The following TENM3 variants were observed in gnomAD, a reference collection of about 807,000 sequenced individuals.
TENM3 encodes the protein teneurin-3.
Under a neutral mutation model 255.1 loss-of-function variants are expected in TENM3, and 63 were observed. That is an observed-to-expected ratio of 0.25 (90% CI 0.20 to 0.30). The LOEUF (loss-of-function observed/expected upper bound fraction) is 0.30. Ranked by LOEUF, TENM3 falls within the 10% of genes least tolerant of loss-of-function variation. The pLI, the probability that TENM3 is intolerant of heterozygous loss-of-function variation, is 1.00. For missense variants in TENM3, 2,929 were observed against 3,461.1 expected (o/e 0.85, Z 3.86); for synonymous variants, 1,306 against 1,322.3 (o/e 0.99, Z 0.27).
rs867557443 is a variant in TENM3, at chr4:182,621,639, A to C, written c.750-7012A>C. 6.0e-3 allele frequency among the ~76,000 whole-genome samples: 435 copies of C among 72,426 alleles called. 15 individuals are homozygous for C. Among genetic ancestry groups the C allele is most frequent in the African/African-American group, 0.021 (418 of 19,918 alleles). The allele number at this position is 72,426 out of a possible 152,430, so 47.5% of individuals were successfully genotyped here. On this transcript the variant is annotated intron_variant, in intron 4 of 27. Transcript: ENST00000511685. ...AATATATATATAAAATATATAATAT[A>C]TAATACATATTATAATATATAATAT...
intron 3 of TENM3, among the ~76,000 whole-genome samples, chr4:182,567,431 T>G (rs980329839): frequency 6.6e-6 from 1 of 152,184 alleles, no homozygotes; most frequent in Non-Finnish European, 1.5e-5. Context: ...AGTGTGTCAC[T>G]GGGTCCTCAG....
chr4:181,598,838 A>G, the TENM3 span, among the ~76,000 whole-genome samples: 5 of 152,222 alleles, frequency 3.3e-5, no homozygotes, highest in African/African-American at 2.4e-5. Context: ...TTCAAGTATT[A>G]TGAAAATAAG....
chr4:182,338,159 T>A (rs1580208524), intron 2 of TENM3, among the ~76,000 whole-genome samples: 1 of 152,194 alleles, frequency 6.6e-6, no homozygotes, highest in Admixed American at 6.5e-5. Flanking sequence ...ACAACTGTAG[T>A]TGAACATGGA....
intron 3 of TENM3, among the ~76,000 whole-genome samples, chr4:182,354,882 A>G (rs549845239): frequency 5.3e-5 from 8 of 152,358 alleles, no homozygotes; most frequent in African/African-American, 1.9e-4. Flanking sequence ...CTTATTGAAT[A>G]GATTTCTTAT....
At chr4:181,484,796 G>A in the TENM3 span, among the ~76,000 whole-genome samples, 1 of 152,124 alleles carries the variant, frequency 6.6e-6, no homozygotes, top group Admixed American at 6.6e-5. Flanking sequence ...ATAAGGGAAA[G>A]AGGCGGTAAT....
At chr4:181,988,137 CTA>C in the TENM3 span, among the ~76,000 whole-genome samples, 7 of 152,022 alleles carry the variant, frequency 4.6e-5, no homozygotes, top group Admixed American at 2.0e-4. Context: ...TGCAGCCTTC[CTA>C]TCTTATTTCA....
At chr4:181,808,782 G>A in the TENM3 span, among the ~76,000 whole-genome samples, 12 of 152,216 alleles carry the variant, frequency 7.9e-5, 1 homozygote, top group African/African-American at 2.4e-4. Flanking sequence ...ACCACAAAAT[G>A]GAATTCTATT....
the TENM3 span, among the ~76,000 whole-genome samples, chr4:181,718,937 C>T: frequency 0.4 from 61,089 of 151,574 alleles, 12,557 homozygotes; most frequent in African/African-American, 0.51. Context: ...CCGGGCGCGG[C>T]GGCTCACGCC....
the TENM3 span, among the ~76,000 whole-genome samples, chr4:181,612,397 A>G: frequency 6.6e-6 from 1 of 152,160 alleles, no homozygotes; most frequent in Non-Finnish European, 1.5e-5. Flanking sequence ...GGGAAATCAA[A>G]TGAGGTACAG....
the TENM3 span, among the ~76,000 whole-genome samples, chr4:182,009,941 G>GA: frequency 6.6e-6 from 1 of 151,970 alleles, no homozygotes; most frequent in South Asian, 2.1e-4. Flanking sequence ...TTGGCTGGGG[G>GA]GAGGGGGTTC....
At chr4:182,684,320 A>G (rs1460788810) in intron 11 of TENM3, among the ~76,000 whole-genome samples, 2 of 150,502 alleles carry the variant, frequency 1.3e-5, no homozygotes, top group African/African-American at 2.4e-5. Context: ...GAAGGGGTCT[A>G]TCTACTTTCC....
the TENM3 span, among the ~76,000 whole-genome samples, chr4:181,679,949 C>T: frequency 4.5e-4 from 69 of 152,196 alleles, no homozygotes; most frequent in African/African-American, 1.5e-3. Context: ...GCTGGCTTGA[C>T]TGAGATGACA....
chr4:182,466,962 GA>G (rs1160770842), intron 3 of TENM3, among the ~76,000 whole-genome samples: 3 of 150,852 alleles, frequency 2.0e-5, no homozygotes, highest in Non-Finnish European at 4.4e-5. Flanking sequence ...TGCCAAAACT[GA>G]CTTATGTTTC....
At chr4:182,725,743 C>A (rs976495283) in intron 13 of TENM3, among the ~76,000 whole-genome samples, 1 of 150,148 alleles carries the variant, frequency 6.7e-6, no homozygotes, top group Non-Finnish European at 1.5e-5. Context: ...TCAAGCAATT[C>A]TCCTGCCTCA....
the TENM3 span, among the ~76,000 whole-genome samples, chr4:181,811,819 A>C: frequency 0.034 from 5,180 of 152,290 alleles, 142 homozygotes; most frequent in South Asian, 0.069. Flanking sequence ...ATTACAATTC[A>C]AGGTGAGATT....
At chr4:181,542,661 GA>G in the TENM3 span, among the ~76,000 whole-genome samples, 1 of 152,152 alleles carries the variant, frequency 6.6e-6, no homozygotes, top group Admixed American at 6.5e-5. Flanking sequence ...CATTTCATAT[GA>G]AAAAATTTAG....
At chr4:181,766,016 T>C in the TENM3 span, among the ~76,000 whole-genome samples, 1 of 152,146 alleles carries the variant, frequency 6.6e-6, no homozygotes. Context: ...ACCTAGTTTA[T>C]ATCAGAAAGA....
chr4:181,848,688 A>G, the TENM3 span, among the ~76,000 whole-genome samples: 3 of 152,236 alleles, frequency 2.0e-5, no homozygotes, highest in Non-Finnish European at 2.9e-5. Flanking sequence ...AATATAATAC[A>G]TATTGGAAAT....
chr4:182,141,559 AGAG>A (rs1749431515), upstream of TENM3: 1 of 152,242 alleles, frequency 6.6e-6, no homozygotes, highest in Non-Finnish European at 1.5e-5. Flanking sequence ...AGGCAGACGT[AGAG>A]GAGGACCCCT....
Sources: gnomAD v4.1 joint callset for allele counts (sites outside exome capture counted in the v4.1 genomes callset) on GRCh38, gnomAD v4.1.1 for gene constraint, MANE v1.5 for transcripts, NCBI Gene and HGNC (gene_info 2026-07-23, HGNC 2026-07-21) for gene names.